Variants in PPT1 observed in about 807,000 individuals in gnomAD.
PPT1 encodes the protein ceroid-palmitoyl-palmitoyl-protein thioesterase 1.
PPT1 carries 24 observed loss-of-function variants against 44.0 expected under a neutral mutation model. The ratio of observed to expected loss-of-function variants is 0.54; its 90% CI spans 0.39 to 0.77. The LOEUF is 0.77. Ranked by LOEUF, PPT1 falls within the 30% of genes least tolerant of loss-of-function variation. The pLI is 0.00. For synonymous variants in PPT1, 148 were observed against 140.2 expected (o/e 1.06, Z -0.39); for missense variants, 341 against 378.8 (o/e 0.90, Z 0.83).
At chr1:40,083,120 G>C (rs1042825900) in intron 5 of PPT1, among the ~76,000 whole-genome samples, 1 of 152,150 alleles carries the variant, frequency 6.6e-6, no homozygotes, top group Non-Finnish European at 1.5e-5. Context: ...CCACTGTTGA[G>C]ACCTATTGCT....
At chr1:40,083,828 T>G (rs1649113441) in intron 5 of PPT1, among the ~76,000 whole-genome samples, 1 of 152,008 alleles carries the variant, frequency 6.6e-6, no homozygotes, top group South Asian at 2.1e-4. Context: ...GGAAAATCAG[T>G]GGAGCCCAGG....
chr1:40,087,604 C>G (rs1449608941), intron 5 of PPT1, among the ~76,000 whole-genome samples: 1 of 151,974 alleles, frequency 6.6e-6, no homozygotes, highest in Non-Finnish European at 1.5e-5. Context: ...GCATCACTAA[C>G]AGAATTCTGA....
intron 7 of PPT1, among the ~76,000 whole-genome samples, chr1:40,077,926 G>T (rs1363487063): frequency 6.6e-6 from 1 of 152,194 alleles, no homozygotes; most frequent in Admixed American, 6.5e-5. Flanking sequence ...GACCTTGGAG[G>T]CCAAGCTTAG....
Position 40,097,197 on chromosome 1 carries a change from G to A in PPT1, c.42C>T (p.Leu14=), listed in dbSNP as rs371884332. The change falls in exon 1 of 9, where the codon CTC becomes CTT. Residue 14 remains leucine, a synonymous_variant. Transcript: ENST00000642050. The part of the protein sequence containing the change: ...PGCLWLLAVA[L]LPWTCASRAL... The stretch of plus-strand genomic sequence containing the variant: ...CCCGAGAAGCGCAGGTCCATGGCAG[G>A]AGAGCCACAGCCAAGAGCCACAGGC... The A allele has an allele frequency of 1.2e-6, 2 of 1,613,972 alleles. No individual in the cohort carries two copies. The highest frequency in any genetic ancestry group is 1.3e-5 in the African/African-American group (1 of 74,934).
At chr1:40,080,649 G>C (rs772128843) in intron 5 of PPT1, among the ~76,000 whole-genome samples, 162 bp from the exon 6 acceptor site, 1 of 152,118 alleles carries the variant, frequency 6.6e-6, no homozygotes, top group Admixed American at 6.5e-5. Context: ...GCTGAGGCAG[G>C]TGGATCACGA....
At chr1:40,076,409 G>A (rs1200471698) in intron 8 of PPT1, among the ~76,000 whole-genome samples, 1 of 152,060 alleles carries the variant, frequency 6.6e-6, no homozygotes, top group Non-Finnish European at 1.5e-5. Flanking sequence ...GGGTTGCAGT[G>A]AGCCAAGATT....
rs934349945 is a variant in PPT1, at chr1:40,074,751, G to A, written c.799-568C>T. 3.3e-5 allele frequency among the ~76,000 whole-genome samples: 5 copies of A among 152,138 alleles called. No individual in the cohort carries two copies. The East Asian group carries it at 9.7e-4, about 30-fold the overall frequency. On this transcript the variant is annotated intron_variant, in intron 8 of 8. Transcript: ENST00000642050. ...CCCAAAGTGCTGGGATTACAGGCGT[G>A]AGCCACCACACCCGGCCAGTTTTTT...
intron 6 of PPT1, chr1:40,078,901 TATA>T (rs201651891): frequency 0.011 from 5,331 of 476,658 alleles, 296 homozygotes; most frequent in Admixed American, 0.11. Flanking sequence ...GTTATAAGGG[TATA>T]TTGTGTGATG....
intron 5 of PPT1, among the ~76,000 whole-genome samples, chr1:40,084,725 T>C (rs778861090): frequency 7.9e-5 from 12 of 152,238 alleles, no homozygotes; most frequent in Non-Finnish European, 1.2e-4. Flanking sequence ...TTGTAGCAAT[T>C]ATTCTTTATT....
Position 40,089,392 on chromosome 1 carries a change from T to C in PPT1, c.536+18A>G. ...ACACGGTGACAGGTCTGTAATCTTT[T>C]CAGCTAACCATACATACCGTTCCTG... On this transcript the variant is annotated intron_variant, in intron 5 of 8. Coordinates refer to ENST00000642050, the MANE Select transcript of PPT1 (RefSeq NM_000310.4). 6.3e-7 allele frequency: 1 copy of C among 1,599,708 alleles called. No homozygotes were observed. The highest frequency in any genetic ancestry group is 8.6e-7 in the Non-Finnish European group (1 of 1,166,902).
At position 40,097,153 on chromosome 1, in the gene PPT1, G is replaced by T. The variant is rs778256566; in HGVS notation, c.86C>A (p.Pro29Gln). Residue 29 changes from proline to glutamine, a missense_variant, in exon 1 of 9, where the codon CCG becomes CAG. Coordinates refer to ENST00000642050, the MANE Select transcript of PPT1 (RefSeq NM_000310.4). ...CASRALQHLDPPAPLPLVIWH... is the reference protein window; with the variant it reads ...CASRALQHLDQPAPLPLVIWH... ...GATCACCAACGGCAGCGGCGCCGGCGGGTCCAGATGCTGCAGCGCCCGAGA... is the reference window on the plus strand; with the variant it reads ...GATCACCAACGGCAGCGGCGCCGGCTGGTCCAGATGCTGCAGCGCCCGAGA... 2.5e-6 allele frequency: 4 copies of T among 1,614,122 alleles called. No individual in the cohort carries two copies. In the Admixed American group the frequency reaches 6.7e-5, roughly 27 times the overall value.
At chr1:40,087,353 T>C (rs1570464730) in intron 5 of PPT1, among the ~76,000 whole-genome samples, 1 of 151,938 alleles carries the variant, frequency 6.6e-6, no homozygotes, top group Admixed American at 6.6e-5. Context: ...AGCAATTCTC[T>C]AGCCTCAGCC....
At chr1:40,093,837 T>G in intron 1 of PPT1, 1 of 506,674 alleles carries the variant, frequency 2.0e-6, no homozygotes, top group Non-Finnish European at 3.6e-6. Flanking sequence ...TGAGCCAAGA[T>G]CATGCCACTG....
chr1:40,088,026 T>C (rs561590621), intron 5 of PPT1, among the ~76,000 whole-genome samples: 1 of 152,200 alleles, frequency 6.6e-6, no homozygotes, highest in South Asian at 2.1e-4. Flanking sequence ...GCTTCAAGAA[T>C]ATACTGTAAT....
chr1:40,079,167 C>G (rs965221111), intron 6 of PPT1, among the ~76,000 whole-genome samples: 2 of 152,140 alleles, frequency 1.3e-5, no homozygotes, highest in East Asian at 3.8e-4. Context: ...CTGCAAAGAA[C>G]AGGATTTCAT....
intron 5 of PPT1, among the ~76,000 whole-genome samples, chr1:40,084,764 A>T (rs923637150): frequency 2.0e-5 from 3 of 152,248 alleles, no homozygotes; most frequent in African/African-American, 7.2e-5. Context: ...TTGCCCTACA[A>T]TCATAACCTA....
intron 8 of PPT1, among the ~76,000 whole-genome samples, chr1:40,074,429 C>CCCT (rs1648487931): frequency 1.6e-5 from 2 of 124,568 alleles, no homozygotes; most frequent in Non-Finnish European, 3.2e-5. Context: ...CTGTCCCCCC[C>CCCT]GCTTCTTCTT....
chr1:40,080,895 A>G (rs1648902760), intron 5 of PPT1, among the ~76,000 whole-genome samples: 1 of 152,160 alleles, frequency 6.6e-6, no homozygotes, highest in Non-Finnish European at 1.5e-5. Context: ...ACAAAAGGCC[A>G]AAGCCCTCAA....
chr1:40,090,396 A>G (rs1649497337), intron 4 of PPT1, among the ~76,000 whole-genome samples: 1 of 151,658 alleles, frequency 6.6e-6, no homozygotes, highest in African/African-American at 2.4e-5. Flanking sequence ...GTGTATATAT[A>G]TGTCTATATA....
Sources: allele counts gnomAD v4.1 joint callset (sites outside exome capture counted in the v4.1 genomes callset), GRCh38; gene constraint gnomAD v4.1.1; transcripts MANE v1.5; gene names NCBI Gene and HGNC (gene_info 2026-07-23, HGNC 2026-07-21).